Variants in RFX1 observed in about 807,000 individuals in gnomAD.
RFX1 encodes the protein regulatory factor X1.
Under a neutral mutation model 119.6 loss-of-function variants are expected in RFX1, and 42 were observed. The observed-to-expected ratio is 0.35, with a 90% CI of 0.27 to 0.45. The LOEUF (loss-of-function observed/expected upper bound fraction) is 0.45, where lower values mean the gene tolerates loss of function less well. Ranked by LOEUF, RFX1 falls within the 20% of genes least tolerant of loss-of-function variation. The probability of loss-of-function intolerance (pLI) is 1.00; values close to 1 mark genes in which losing one functional copy is unlikely to be tolerated. For synonymous variants in RFX1, 628 were observed against 618.5 expected (o/e 1.02, Z -0.23); for missense variants, 1,118 against 1,368.1 (o/e 0.82, Z 2.88).
In RFX1 at chr19:13,962,454, A is replaced by G; in HGVS notation, c.*241T>C. The G allele has an allele frequency of 2.0e-6, 1 of 499,476 alleles. No individual in the cohort carries two copies. The highest frequency in any genetic ancestry group is 3.7e-5 in the East Asian group (1 of 27,086). 30.9% of individuals were successfully genotyped at this position (499,476 alleles called of 1,614,324 possible). On this transcript the variant is annotated 3_prime_UTR_variant, in exon 21 of 21. Coordinates refer to ENST00000254325, the MANE Select transcript of RFX1 (RefSeq NM_002918.5). ...GGCCGAGCTGGATGCCCCGCGGGGC[A>G]CCTGGGCACGCGGCGGGTTCCTTAA...
At chr19:14,006,380 G>C (rs1227315654), upstream of RFX1, 1 of 152,296 alleles carries the variant, frequency 6.6e-6, no homozygotes, top group African/African-American at 2.4e-5. Context: ...ATTGGCGGCG[G>C]CCGGAGAAGT....
At chr19:13,964,401 TAA>T (rs752714200) in intron 16 of RFX1, among the ~76,000 whole-genome samples, 11,085 of 148,576 alleles carry the variant, frequency 0.075, 1,391 homozygotes, top group African/African-American at 0.26. Context: ...TTTTTTTTTT[TAA>T]AAACGAAAGA....
rs1232991108 is a variant in RFX1, at chr19:13,961,733, A to C, written c.*962T>G. 2.6e-5 allele frequency: 4 copies of C among 152,262 alleles called. No homozygotes were observed. Among genetic ancestry groups the C allele is most frequent in the Non-Finnish European group, 5.9e-5 (4 of 68,040 alleles). The allele number at this position is 152,262 out of a possible 1,614,324, so 9.4% of individuals were successfully genotyped here. ...TAGTGATTTTTATACAATAGGTCAG[A>C]TTTCCATTTTTTTTTCCTTTTTCTT... On this transcript the variant is annotated 3_prime_UTR_variant, in exon 21 of 21. Coordinates refer to ENST00000254325, the MANE Select transcript of RFX1 (RefSeq NM_002918.5).
chr19:13,982,018 G>A (rs967722354), intron 5 of RFX1, 103 bp downstream of exon 5: 2 of 451,762 alleles, frequency 4.4e-6, no homozygotes, highest in Non-Finnish European at 7.6e-6. Context: ...AGGAGCAAGT[G>A]GGCTTGGGGG....
intron 2 of RFX1, among the ~76,000 whole-genome samples, chr19:13,991,480 C>A (rs1052746056): frequency 6.6e-6 from 1 of 152,098 alleles, no homozygotes; most frequent in South Asian, 2.1e-4. Context: ...GGCGCTCATG[C>A]GGACACCTCC....
chr19:13,963,518 C>T lies in RFX1; in HGVS notation c.2570+20G>A, dbSNP rs1324816276. On this transcript the variant is annotated intron_variant, in intron 18 of 20. Coordinates refer to ENST00000254325, the MANE Select transcript of RFX1 (RefSeq NM_002918.5). ...GGCCTTCCCTGGTGCCGCCCGGACCCGATCCCGCCGCGCGCGCACCTGTAG... is the reference window on the plus strand; with the variant it reads ...GGCCTTCCCTGGTGCCGCCCGGACCTGATCCCGCCGCGCGCGCACCTGTAG... 3 of 1,588,718 alleles carry T rather than the reference C, an allele frequency of 1.9e-6. No homozygotes were observed. The highest frequency in any genetic ancestry group is 2.7e-5 in the African/African-American group (2 of 74,414).
chr19:13,969,935 G>T lies in RFX1; in HGVS notation c.1496+59C>A. On this transcript the variant is annotated intron_variant, in intron 10 of 20. Coordinates refer to ENST00000254325, the MANE Select transcript of RFX1 (RefSeq NM_002918.5). The surrounding 1 kb of genome is among the most constrained non-coding windows in gnomAD (Gnocchi z 4.5). ...GCCTGAGATGACTCGGAGTGGGGGT[G>T]GGCCTTGGCATGCCCACCAATTCCC... The T allele has an allele frequency of 6.6e-7, 1 of 1,510,562 alleles. No individual in the cohort carries two copies. Among genetic ancestry groups the T allele is most frequent in the South Asian group, 1.3e-5 (1 of 79,142 alleles). 93.6% of individuals were successfully genotyped at this position (1,510,562 alleles called of 1,614,324 possible).
intron 1 of RFX1, among the ~76,000 whole-genome samples, chr19:13,999,666 G>GT (rs138026883): frequency 0.016 from 2,436 of 147,848 alleles, 66 homozygotes; most frequent in African/African-American, 0.052. Flanking sequence ...TGAACCCTGT[G>GT]TTTTTTTTTT....
intron 1 of RFX1, among the ~76,000 whole-genome samples, chr19:13,997,531 C>T (rs759171385): frequency 6.6e-6 from 1 of 152,218 alleles, no homozygotes; most frequent in African/African-American, 2.4e-5. Flanking sequence ...GGCCCTTTAA[C>T]GCAGTTCCAG....
chr19:13,995,081 T>C (rs1290011650), intron 1 of RFX1, among the ~76,000 whole-genome samples: 1 of 151,546 alleles, frequency 6.6e-6, no homozygotes, highest in Non-Finnish European at 1.5e-5. Flanking sequence ...TATTTCATTT[T>C]AAACTTTCCA....
intron 2 of RFX1, among the ~76,000 whole-genome samples, chr19:13,984,539 G>A (rs1974536645): frequency 6.6e-6 from 1 of 152,102 alleles, no homozygotes; most frequent in Admixed American, 6.5e-5. Flanking sequence ...GGGTGCTGGG[G>A]GTAGAGGCGA....
chr19:13,994,983 G>A (rs1475944959), intron 1 of RFX1, among the ~76,000 whole-genome samples: 1 of 136,564 alleles, frequency 7.3e-6, no homozygotes, highest in East Asian at 2.2e-4. Context: ...TGCCCAGTCT[G>A]GTCTTGAACT....
At chr19:13,982,355 A>G in intron 4 of RFX1, 127 bp from the exon 5 acceptor site, 1 of 447,132 alleles carries the variant, frequency 2.2e-6, no homozygotes, top group Admixed American at 4.5e-5. Context: ...AATCGCCCTG[A>G]CAGCCCTGAT....
chr19:13,979,662 T>G (rs1287511920), intron 6 of RFX1, 120 bp from the exon 7 acceptor site: 3 of 549,944 alleles, frequency 5.5e-6, no homozygotes. Flanking sequence ...GAGGCCACCA[T>G]TCTCCAGCCA....
rs1339466764 is a variant in RFX1 at position 13,963,844 on chromosome 19, CG to C, written c.2361+13del. On this transcript the variant is annotated intron_variant, in intron 17 of 20. Transcript: ENST00000254325. ...TGCCCCTCATTCGCCCGCCCCGCCCCGCCCCGCGCTCACCTGCACGTTGGCG... is the reference window on the plus strand; with the variant it reads ...TGCCCCTCATTCGCCCGCCCCGCCCCCCCCGCGCTCACCTGCACGTTGGCG... 6.5e-7 allele frequency: 1 copy of C among 1,528,898 alleles called. No homozygotes were observed. The highest frequency in any genetic ancestry group is 1.4e-5 in the African/African-American group (1 of 71,638). The allele number at this position is 1,528,898 out of a possible 1,614,324, so 94.7% of individuals were successfully genotyped here.
chr19:13,988,561 T>C (rs1050668854), intron 2 of RFX1, among the ~76,000 whole-genome samples: 3 of 152,194 alleles, frequency 2.0e-5, no homozygotes, highest in Non-Finnish European at 2.9e-5. Context: ...CAGTCAGCCA[T>C]GCAGGAGCTG....
At position 13,991,495 on chromosome 19, in the gene RFX1, C is replaced by T. The variant is rs527523114; in HGVS notation, c.319+2030G>A. Among the ~76,000 whole-genome samples, 261 of 152,220 alleles carry T rather than the reference C, an allele frequency of 1.7e-3. 1 individual carries two copies. Among genetic ancestry groups the T allele is most frequent in the African/African-American group, 6.1e-3 (252 of 41,536 alleles). On this transcript the variant is annotated intron_variant, in intron 2 of 20. Coordinates refer to ENST00000254325, the MANE Select transcript of RFX1 (RefSeq NM_002918.5). The stretch of plus-strand genomic sequence containing the variant: ...GGCGCTCATGCGGACACCTCCACTC[C>T]GTCCATATAGTAAAGAGTCACTGCC...
intron 16 of RFX1, 108 bp from the exon 17 acceptor site, chr19:13,964,115 A>G: frequency 2.4e-6 from 3 of 1,225,572 alleles, no homozygotes; most frequent in Non-Finnish European, 3.3e-6. Context: ...TTCCTAAAAA[A>G]GGAGGGATGT....
At chr19:13,997,827 T>C (rs1975086526) in intron 1 of RFX1, among the ~76,000 whole-genome samples, 1 of 152,114 alleles carries the variant, frequency 6.6e-6, no homozygotes, top group Non-Finnish European at 1.5e-5. Flanking sequence ...CCAGCCTTAG[T>C]GCTCCGAGGC....
Sources: allele counts gnomAD v4.1 joint callset (sites outside exome capture counted in the v4.1 genomes callset), GRCh38; gene constraint gnomAD v4.1.1; non-coding constraint Gnocchi (gnomAD v3.1); transcripts MANE v1.5; gene names NCBI Gene and HGNC (gene_info 2026-07-23, HGNC 2026-07-21).